PRR16: variants seen among roughly 807,000 people sequenced by gnomAD.
PRR16 encodes the protein proline rich 16.
Under a neutral mutation model 18.2 loss-of-function variants are expected in PRR16, and 6 were observed. That is an observed-to-expected ratio of 0.33 (90% confidence interval 0.18 to 0.65). The LOEUF is 0.65. Among genes scored for constraint, PRR16 ranks in the 30% least tolerant of loss-of-function variants. The pLI is 0.74. For missense variants in PRR16, 412 were observed against 376.6 expected (o/e 1.09, Z -0.78); for synonymous variants, 151 against 147.8 (o/e 1.02, Z -0.16).
intron 1 of PRR16, among the ~76,000 whole-genome samples, chr5:120,514,746 C>T (rs1274891336): frequency 6.6e-6 from 1 of 152,192 alleles, no homozygotes; most frequent in Non-Finnish European, 1.5e-5. Context: ...TTTTTGTCCA[C>T]ATTTCTACCA....
the PRR16 span, among the ~76,000 whole-genome samples, chr5:120,712,653 G>T: frequency 1.3e-5 from 2 of 151,970 alleles, no homozygotes; most frequent in Non-Finnish European, 2.9e-5. Flanking sequence ...ATGGGAAAAG[G>T]ATCTGAATTA....
At chr5:120,655,077 T>C (rs1019368683) in intron 1 of PRR16, among the ~76,000 whole-genome samples, 3 of 152,090 alleles carry the variant, frequency 2.0e-5, no homozygotes, top group Admixed American at 6.6e-5. Flanking sequence ...ATATATTACC[T>C]GCCAGAATAT....
chr5:120,701,302 T>G, the PRR16 span, among the ~76,000 whole-genome samples: 5 of 152,156 alleles, frequency 3.3e-5, no homozygotes, highest in Admixed American at 2.6e-4. Flanking sequence ...CAAAACGTAT[T>G]TTGAGAATAA....
At chr5:120,766,652 G>A in the PRR16 span, among the ~76,000 whole-genome samples, 4 of 151,676 alleles carry the variant, frequency 2.6e-5, no homozygotes, top group African/African-American at 9.7e-5. Flanking sequence ...TCTAGTAACT[G>A]TAATCCTCAA....
intron 1 of PRR16, among the ~76,000 whole-genome samples, chr5:120,665,873 G>C (rs1426489124): frequency 4.6e-5 from 7 of 152,092 alleles, no homozygotes; most frequent in Non-Finnish European, 7.4e-5. Flanking sequence ...TTGTAGTATA[G>C]TTTGAAGTCA....
intron 1 of PRR16, among the ~76,000 whole-genome samples, chr5:120,671,597 C>G (rs1306554337): frequency 6.6e-6 from 1 of 152,054 alleles, no homozygotes; most frequent in Non-Finnish European, 1.5e-5. Flanking sequence ...GTATAATTTA[C>G]TAAAATTTGC....
At chr5:120,678,789 A>C (rs561449236) in intron 1 of PRR16, among the ~76,000 whole-genome samples, 1 of 152,044 alleles carries the variant, frequency 6.6e-6, no homozygotes, top group East Asian at 1.9e-4. Context: ...TCTTTCTCTT[A>C]TCTAATTGCT....
chr5:120,654,924 G>A (rs760214336), intron 1 of PRR16, among the ~76,000 whole-genome samples: 84 of 151,752 alleles, frequency 5.5e-4, no homozygotes, highest in Non-Finnish European at 1.0e-3. Flanking sequence ...AAGAGAGAGG[G>A]AAGGATTAGA....
intron 1 of PRR16, among the ~76,000 whole-genome samples, chr5:120,544,337 G>T (rs1408260261): frequency 2.0e-5 from 3 of 152,074 alleles, no homozygotes; most frequent in African/African-American, 7.2e-5. Context: ...TTTATTTAAA[G>T]AAATTCACTC....
intron 1 of PRR16, among the ~76,000 whole-genome samples, chr5:120,624,288 A>T (rs765830345): frequency 1.7e-4 from 26 of 152,194 alleles, no homozygotes; most frequent in Non-Finnish European, 3.2e-4. Context: ...ACCGAAAGTA[A>T]GATATAATTT....
chr5:120,746,701 T>A, the PRR16 span, among the ~76,000 whole-genome samples: 1 of 150,756 alleles, frequency 6.6e-6, no homozygotes, highest in Non-Finnish European at 1.5e-5. Flanking sequence ...GACAGTGGTA[T>A]TTTTTTTTCA....
the PRR16 span, among the ~76,000 whole-genome samples, chr5:120,717,271 A>G: frequency 2.0e-5 from 3 of 152,196 alleles, no homozygotes; most frequent in Non-Finnish European, 2.9e-5. Flanking sequence ...AAGGATTTCT[A>G]ACTAGTGGCA....
chr5:120,651,580 C>T (rs1196802561), intron 1 of PRR16, among the ~76,000 whole-genome samples: 3 of 152,064 alleles, frequency 2.0e-5, no homozygotes, highest in East Asian at 3.9e-4. Context: ...ATTTATTAAA[C>T]AGGGAATCAT....
At chr5:120,580,919 G>T (rs2112754519) in intron 1 of PRR16, among the ~76,000 whole-genome samples, 1 of 152,222 alleles carries the variant, frequency 6.6e-6, no homozygotes, top group Non-Finnish European at 1.5e-5. Context: ...TGCTGGATTT[G>T]GTTTTCCAGT....
the PRR16 span, among the ~76,000 whole-genome samples, chr5:120,750,203 A>T: frequency 1.3e-5 from 2 of 152,130 alleles, no homozygotes; most frequent in African/African-American, 2.4e-5. Context: ...AAATATATTC[A>T]GCCTCAGTCA....
intron 1 of PRR16, among the ~76,000 whole-genome samples, chr5:120,493,251 C>T (rs891833812): frequency 5.9e-5 from 9 of 152,084 alleles, no homozygotes; most frequent in East Asian, 1.9e-4. Flanking sequence ...TATGGCCATT[C>T]TTGCAGAAAT....
At chr5:120,496,329 G>A (rs1420574908) in intron 1 of PRR16, among the ~76,000 whole-genome samples, 1 of 151,920 alleles carries the variant, frequency 6.6e-6, no homozygotes, top group African/African-American at 2.4e-5. Context: ...GAAACCCTCT[G>A]GAACTGCAGA....
At chr5:120,708,813 C>T in the PRR16 span, among the ~76,000 whole-genome samples, 33 of 152,012 alleles carry the variant, frequency 2.2e-4, no homozygotes, top group South Asian at 1.5e-3. Flanking sequence ...CATTATCAAA[C>T]GCATTTAGTT....
chr5:120,583,203 G>A (rs62376425), intron 1 of PRR16, among the ~76,000 whole-genome samples: 32,869 of 152,136 alleles, frequency 0.22, 3,965 homozygotes, highest in Middle Eastern at 0.36. Context: ...CCACTGTATC[G>A]TATTGGTAGA....
Sources: gnomAD v4.1 joint callset for allele counts (sites outside exome capture counted in the v4.1 genomes callset) on GRCh38, gnomAD v4.1.1 for gene constraint, MANE v1.5 for transcripts, NCBI Gene and HGNC (gene_info 2026-07-23, HGNC 2026-07-21) for gene names.